SGCD: variants seen among roughly 807,000 people sequenced by gnomAD.
The protein encoded by SGCD is sarcoglycan delta, also known as delta-sarcoglycan.
Under a neutral mutation model 36.6 loss-of-function variants are expected in SGCD, and 18 were observed. The observed-to-expected ratio is 0.49, with a 90% CI of 0.34 to 0.73. The LOEUF is 0.73. SGCD is among the 30% of genes least tolerant of loss of function. The probability of loss-of-function intolerance (pLI) is 0.01; values close to 1 mark genes in which losing one functional copy is unlikely to be tolerated. For synonymous variants in SGCD, 133 were observed against 130.6 expected, an observed-to-expected ratio of 1.02 and a Z score of -0.12; for missense variants, 387 against 346.7, an observed-to-expected ratio of 1.12 and a Z score of -0.92.
chr5:156,752,986 G>T, intron 7 of SGCD, among the ~76,000 whole-genome samples: 1 of 152,032 alleles, frequency 6.6e-6, no homozygotes, highest in Non-Finnish European at 1.5e-5. Flanking sequence ...TTTAGTCTTG[G>T]TGGGGGCACC....
intron 3 of SGCD, among the ~76,000 whole-genome samples, chr5:156,137,659 G>T (rs190754072): frequency 1.3e-5 from 2 of 151,836 alleles, no homozygotes; most frequent in Admixed American, 1.3e-4. Context: ...AAATGCTTTT[G>T]TGTTATATTG....
At chr5:155,936,349 G>T (rs996420492) in intron 1 of SGCD, among the ~76,000 whole-genome samples, 1 of 152,094 alleles carries the variant, frequency 6.6e-6, no homozygotes, top group Non-Finnish European at 1.5e-5. Context: ...AACAGCTCAG[G>T]GGCGACCCTG....
intron 1 of SGCD, among the ~76,000 whole-genome samples, chr5:156,083,629 T>C (rs1761022596): frequency 6.6e-6 from 1 of 151,610 alleles, no homozygotes; most frequent in South Asian, 2.1e-4. Flanking sequence ...TGGCTTGTAC[T>C]TTTGGTATCA....
intron 4 of SGCD, among the ~76,000 whole-genome samples, chr5:156,559,947 C>G (rs1006103235): frequency 6.6e-6 from 1 of 152,110 alleles, no homozygotes; most frequent in Non-Finnish European, 1.5e-5. Flanking sequence ...AGTTATGGGT[C>G]TCTTTATATT....
Position 156,766,437 on chromosome 5 carries a change from C to A in SGCD, c.*7047C>A, listed in dbSNP as rs968691476. 3 of 151,732 alleles carry A rather than the reference C, an allele frequency of 2.0e-5. No individual in the cohort carries two copies. The highest frequency in any genetic ancestry group is 6.6e-5 in the Admixed American group (1 of 15,226). 9.4% of individuals were successfully genotyped at this position (151,732 alleles called of 1,614,324 possible). A position where few individuals can be genotyped will look rare whatever the true frequency, so the allele number is the denominator to read the frequency against. ...GCAGCCATCATTAATGGGCCATACC[C>A]TTCCCCAGGTGCAGAATTCTCCTCC... On this transcript the variant is annotated 3_prime_UTR_variant, in exon 9 of 9. Coordinates refer to ENST00000337851, the MANE Select transcript of SGCD (RefSeq NM_000337.6).
At chr5:156,559,346 G>A (rs1759178548) in intron 4 of SGCD, among the ~76,000 whole-genome samples, 1 of 152,168 alleles carries the variant, frequency 6.6e-6, no homozygotes. Flanking sequence ...GACCACACCA[G>A]TGTAAGAAAG....
chr5:155,928,929 G>T (rs1757047826), intron 1 of SGCD, among the ~76,000 whole-genome samples: 1 of 151,660 alleles, frequency 6.6e-6, no homozygotes, highest in Non-Finnish European at 1.5e-5. Context: ...TACGTTAGGG[G>T]GTGTCTCTTG....
intron 1 of SGCD, among the ~76,000 whole-genome samples, chr5:155,997,502 T>C (rs1364326078): frequency 1.3e-5 from 2 of 152,224 alleles, no homozygotes; most frequent in African/African-American, 2.4e-5. Flanking sequence ...AGTGAGTTTG[T>C]CATCATGAAA....
chr5:155,800,770 T>G, the SGCD span, among the ~76,000 whole-genome samples: 1 of 152,176 alleles, frequency 6.6e-6, no homozygotes, highest in Non-Finnish European at 1.5e-5. Flanking sequence ...CTATTGTCTT[T>G]TCTCCATTTG....
intron 6 of SGCD, among the ~76,000 whole-genome samples, chr5:156,615,344 A>C (rs968425853): frequency 1.3e-5 from 2 of 152,252 alleles, no homozygotes; most frequent in Admixed American, 1.3e-4. Flanking sequence ...TTAGTTTTTT[A>C]AATATATCCT....
chr5:156,679,562 C>T (rs1237847651), intron 7 of SGCD, among the ~76,000 whole-genome samples: 1 of 152,176 alleles, frequency 6.6e-6, no homozygotes, highest in Non-Finnish European at 1.5e-5. Flanking sequence ...CATTTCATAA[C>T]ACATTGGGCA....
intron 6 of SGCD, among the ~76,000 whole-genome samples, chr5:156,606,204 T>C (rs1463898971): frequency 6.6e-6 from 1 of 152,198 alleles, no homozygotes; most frequent in East Asian, 1.9e-4. Flanking sequence ...CTTTAATCCA[T>C]CTTGAATTAA....
chr5:156,554,055 G>A (rs1334778571), intron 4 of SGCD, among the ~76,000 whole-genome samples: 1 of 152,104 alleles, frequency 6.6e-6, no homozygotes, highest in Non-Finnish European at 1.5e-5. Flanking sequence ...AGTGAGTGCA[G>A]TGCAATAAGA....
intron 3 of SGCD, among the ~76,000 whole-genome samples, chr5:156,180,811 T>G (rs1763589008): frequency 6.6e-6 from 1 of 150,578 alleles, no homozygotes; most frequent in Non-Finnish European, 1.5e-5. Flanking sequence ...ATGATTCTCT[T>G]TGGAAGCTGG....
the SGCD span, among the ~76,000 whole-genome samples, chr5:155,852,504 T>C: frequency 6.6e-6 from 1 of 152,156 alleles, no homozygotes; most frequent in Non-Finnish European, 1.5e-5. Context: ...TATTTCTCTA[T>C]GGTAAATAAT....
chr5:156,350,758 A>C (rs1769209139), intron 3 of SGCD, among the ~76,000 whole-genome samples: 1 of 152,196 alleles, frequency 6.6e-6, no homozygotes, highest in Non-Finnish European at 1.5e-5. Flanking sequence ...GTGCTTATAC[A>C]AACGAGCTAA....
chr5:156,601,844 C>T (rs982630619), intron 6 of SGCD, among the ~76,000 whole-genome samples: 18 of 151,774 alleles, frequency 1.2e-4, no homozygotes, highest in South Asian at 8.3e-4. Flanking sequence ...CCACCACGCC[C>T]GGCTAATTTT....
At chr5:155,764,461 G>A in the SGCD span, among the ~76,000 whole-genome samples, 1 of 152,172 alleles carries the variant, frequency 6.6e-6, no homozygotes, top group Non-Finnish European at 1.5e-5. Context: ...GTGCTCGTAG[G>A]TTGCAGGCTG....
chr5:155,775,879 GTGTT>G, the SGCD span, among the ~76,000 whole-genome samples: 1 of 152,140 alleles, frequency 6.6e-6, no homozygotes, highest in East Asian at 1.9e-4. Context: ...GAGAAGTAGA[GTGTT>G]TTGTAGAAAC....
Sources: gnomAD v4.1 joint callset for allele counts (sites outside exome capture counted in the v4.1 genomes callset) on GRCh38, gnomAD v4.1.1 for gene constraint, MANE v1.5 for transcripts, NCBI Gene and HGNC (gene_info 2026-07-23, HGNC 2026-07-21) for gene names.